Variants in RAPGEF4 observed in about 807,000 individuals in gnomAD.
RAPGEF4 encodes Rap guanine nucleotide exchange factor 4.
Under a neutral mutation model 147.9 loss-of-function variants are expected in RAPGEF4, and 66 were observed. The ratio of observed to expected loss-of-function variants is 0.45; its 90% confidence interval spans 0.37 to 0.55. The LOEUF (loss-of-function observed/expected upper bound fraction) is 0.55. Among genes scored for constraint, RAPGEF4 ranks in the 20% least tolerant of loss-of-function variants. The pLI is 0.00. For missense variants in RAPGEF4, 1,071 were observed against 1,257.3 expected (o/e 0.85, Z 2.24); for synonymous variants, 419 against 442.7 (o/e 0.95, Z 0.67).
At chr2:172,831,266 C>CTTTTTTTTTTGT (rs1690283634) in intron 4 of RAPGEF4, among the ~76,000 whole-genome samples, 1 of 53,876 alleles carries the variant, frequency 1.9e-5, no homozygotes, top group African/African-American at 6.2e-5. Context: ...AGATAGAAAA[C>CTTTTTTTTTTGT]TTTTTTTTTT....
intron 4 of RAPGEF4, among the ~76,000 whole-genome samples, chr2:172,831,352 T>C (rs977908915): frequency 5.0e-5 from 7 of 139,838 alleles, no homozygotes; most frequent in African/African-American, 1.8e-4. Context: ...CACTGCAACC[T>C]TTGCCTCCCG....
intron 4 of RAPGEF4, among the ~76,000 whole-genome samples, chr2:172,842,355 G>A (rs1691710272): frequency 1.3e-5 from 2 of 152,202 alleles, no homozygotes; most frequent in Non-Finnish European, 2.9e-5. Flanking sequence ...AAAAGAAGGG[G>A]AAGGTATTTT....
At chr2:172,980,808 A>G (rs1386980656) in intron 10 of RAPGEF4, among the ~76,000 whole-genome samples, 13 of 152,220 alleles carry the variant, frequency 8.5e-5, no homozygotes, top group South Asian at 6.2e-4. Flanking sequence ...TGTAGATCCA[A>G]CAAGCATCAT....
chr2:172,784,562 A>G (rs1047561427), intron 1 of RAPGEF4, among the ~76,000 whole-genome samples: 3 of 152,048 alleles, frequency 2.0e-5, no homozygotes, highest in Non-Finnish European at 2.9e-5. Flanking sequence ...CATACTCAGT[A>G]AATACTTGCA....
chr2:172,897,684 G>A lies in RAPGEF4; in HGVS notation c.445-20118G>A, dbSNP rs373376515. Among the ~76,000 whole-genome samples, 8 of 148,508 alleles carry A rather than the reference G, an allele frequency of 5.4e-5. No individual in the cohort carries two copies. In the East Asian group the frequency reaches 7.8e-4, roughly 14 times the overall value. On this transcript the variant is annotated intron_variant, in intron 4 of 30. Coordinates refer to ENST00000397081, the MANE Select transcript of RAPGEF4 (RefSeq NM_007023.4). ...CCCAAAGTGCTGGGATTACAGGCAT[G>A]AGCCACCATGCCCAGACTCTAGGAT... is the stretch of plus-strand genomic sequence containing the variant.
At chr2:172,983,428 C>T (rs573673388) in intron 10 of RAPGEF4, 68 bp from the exon 11 acceptor site, 9 of 1,552,018 alleles carry the variant, frequency 5.8e-6, no homozygotes, top group East Asian at 4.5e-5. Context: ...TGCCTGGATC[C>T]GTTTCCATGT....
chr2:172,884,068 A>T (rs946951256), intron 4 of RAPGEF4, among the ~76,000 whole-genome samples: 4 of 152,208 alleles, frequency 2.6e-5, no homozygotes, highest in African/African-American at 9.6e-5. Flanking sequence ...CTGTTGCCAC[A>T]GCAATTTTGC....
chr2:172,922,201 G>T (rs960297122), intron 5 of RAPGEF4, 80 bp from the exon 6 acceptor site: 1 of 1,374,446 alleles, frequency 7.3e-7, no homozygotes, highest in Non-Finnish European at 1.0e-6. Flanking sequence ...TACTTGGTTT[G>T]GTTCAGCAAA....
intron 1 of RAPGEF4, chr2:172,744,278 T>C: frequency 8.0e-6 from 3 of 376,476 alleles, no homozygotes; most frequent in Non-Finnish European, 1.1e-5. Context: ...ATCAGCTTTG[T>C]CTTAGGATCA....
chr2:172,887,396 T>C (rs1325941450), intron 4 of RAPGEF4, among the ~76,000 whole-genome samples: 1 of 152,218 alleles, frequency 6.6e-6, no homozygotes, highest in Non-Finnish European at 1.5e-5. Flanking sequence ...ATCTCTGTAA[T>C]GCCTATAGGA....
chr2:172,941,156 A>C (rs1003772569), intron 6 of RAPGEF4, among the ~76,000 whole-genome samples: 1 of 152,190 alleles, frequency 6.6e-6, no homozygotes, highest in Non-Finnish European at 1.5e-5. Context: ...AAGTAAAGAC[A>C]GATTGATTTC....
At chr2:173,029,228 C>T (rs931640597) in intron 25 of RAPGEF4, among the ~76,000 whole-genome samples, 5 of 152,226 alleles carry the variant, frequency 3.3e-5, no homozygotes, top group Admixed American at 3.3e-4. Context: ...TCTTTGCTAC[C>T]TTTGCAATGG....
At chr2:172,918,646 G>C (rs1684372919) in intron 5 of RAPGEF4, among the ~76,000 whole-genome samples, 1 of 152,132 alleles carries the variant, frequency 6.6e-6, no homozygotes, top group African/African-American at 2.4e-5. Context: ...TATGTCCCCT[G>C]AGTCTTTTGA....
intron 29 of RAPGEF4, among the ~76,000 whole-genome samples, chr2:173,038,554 A>T (rs1684340268): frequency 4.6e-5 from 7 of 152,146 alleles, no homozygotes. Flanking sequence ...ACATGGACAC[A>T]GGGAGGGGAA....
chr2:173,024,343 A>C (rs926299710), intron 23 of RAPGEF4, among the ~76,000 whole-genome samples: 1 of 146,882 alleles, frequency 6.8e-6, no homozygotes, highest in African/African-American at 2.5e-5. Flanking sequence ...TCAGCCTCCC[A>C]AGTAGCTGGG....
At chr2:172,922,244 A>G in intron 5 of RAPGEF4, 37 bp from the exon 6 acceptor site, 1 of 1,597,346 alleles carries the variant, frequency 6.3e-7, no homozygotes. Context: ...TGATTATACA[A>G]TTCATGGCCT....
intron 4 of RAPGEF4, among the ~76,000 whole-genome samples, chr2:172,839,007 A>G (rs989182056): frequency 2.6e-5 from 4 of 152,172 alleles, no homozygotes; most frequent in Non-Finnish European, 4.4e-5. Context: ...CAAACAGGGA[A>G]CAGCTTTCTT....
intron 3 of RAPGEF4, among the ~76,000 whole-genome samples, chr2:172,813,367 T>A (rs901819847): frequency 6.6e-6 from 1 of 152,234 alleles, no homozygotes; most frequent in Non-Finnish European, 1.5e-5. Flanking sequence ...TTATCACCAG[T>A]GTTGCATGCA....
At chr2:172,963,812 G>C (rs1367727263) in intron 8 of RAPGEF4, among the ~76,000 whole-genome samples, 1 of 152,168 alleles carries the variant, frequency 6.6e-6, no homozygotes, top group East Asian at 1.9e-4. Flanking sequence ...GGGGGCTGAA[G>C]CCTCTCCTGG....
Sources: allele counts gnomAD v4.1 joint callset (sites outside exome capture counted in the v4.1 genomes callset), GRCh38; gene constraint gnomAD v4.1.1; transcripts MANE v1.5; gene names NCBI Gene and HGNC (gene_info 2026-07-23, HGNC 2026-07-21).